The following MRPS6 variants were observed in gnomAD, a reference collection of about 807,000 sequenced individuals.
MRPS6 encodes mitochondrial ribosomal protein S6.
MRPS6 carries 6 observed loss-of-function variants against 13.1 expected under a neutral mutation model. The ratio of observed to expected loss-of-function variants is 0.46; its 90% CI spans 0.25 to 0.91. The LOEUF is 0.91. MRPS6 is among the 40% of genes least tolerant of loss of function. The pLI is 0.18. For missense variants in MRPS6, 164 were observed against 155.6 expected, an observed-to-expected ratio of 1.05 and a Z score of -0.29; for synonymous variants, 61 against 56.5, an observed-to-expected ratio of 1.08 and a Z score of -0.36.
intron 1 of MRPS6, chr21:34,103,724 T>G (rs1383331642): frequency 2.4e-5 from 24 of 999,950 alleles, no homozygotes; most frequent in Non-Finnish European, 2.8e-5. Flanking sequence ...CCCAAGACAA[T>G]GCGGTATCTA....
At chr21:34,113,676 G>T (rs566135865) in intron 1 of MRPS6, among the ~76,000 whole-genome samples, 1 of 152,140 alleles carries the variant, frequency 6.6e-6, no homozygotes, top group South Asian at 2.1e-4. Context: ...TTTGTCTGTT[G>T]TTGAGCAAAT....
At chr21:34,087,249 G>C (rs2148655934) in intron 1 of MRPS6, among the ~76,000 whole-genome samples, 1 of 87,564 alleles carries the variant, frequency 1.1e-5, no homozygotes, top group Non-Finnish European at 2.2e-5. Flanking sequence ...TGGTGGAGGA[G>C]GGAGGAGGCT....
rs559931070 is a variant in MRPS6 at position 34,103,344 on chromosome 21, T to A, written c.46-21997T>A. The stretch of plus-strand genomic sequence containing the variant: ...AAAAAAAAAAAAACATGCATTACAT[T>A]GACATACTTTATGTGCAGCCTTTAT... On this transcript the variant is annotated intron_variant, in intron 1 of 2. Transcript: ENST00000399312. The A allele has an allele frequency of 6.0e-6, 6 of 994,164 alleles. No individual in the cohort carries two copies. In the South Asian group the frequency reaches 2.9e-4, roughly 48 times the overall value. The allele number at this position is 994,164 out of a possible 1,614,324, so 61.6% of individuals were successfully genotyped here. A position where few individuals can be genotyped will look rare whatever the true frequency, so the allele number is the denominator to read the frequency against.
intron 1 of MRPS6, among the ~76,000 whole-genome samples, chr21:34,091,271 T>G (rs1469753815): frequency 6.6e-6 from 1 of 152,032 alleles, no homozygotes; most frequent in Non-Finnish European, 1.5e-5. Context: ...GGCCCCGCCC[T>G]GTGTCATTGA....
intron 1 of MRPS6, among the ~76,000 whole-genome samples, chr21:34,093,163 G>C (rs938217850): frequency 6.6e-5 from 10 of 151,946 alleles, no homozygotes; most frequent in African/African-American, 2.4e-4. Context: ...TTTGGGGGTG[G>C]GGAAGGTGGT....
chr21:34,135,947 G>A lies in MRPS6; in HGVS notation c.186-6461G>A, dbSNP rs181206036. ...TCCTTCACTGCAATGGAATCCTGCAGGGAAATGTCACTGATCTGCATATCA... is the reference window on the plus strand; with the variant it reads ...TCCTTCACTGCAATGGAATCCTGCAAGGAAATGTCACTGATCTGCATATCA... On this transcript the variant is annotated intron_variant, in intron 2 of 2. Coordinates refer to ENST00000399312, the MANE Select transcript of MRPS6 (RefSeq NM_032476.4). 49 of 414,568 alleles carry A rather than the reference G, an allele frequency of 1.2e-4. No individual in the cohort carries two copies. In the East Asian group the frequency reaches 2.6e-3, roughly 22 times the overall value. The allele number at this position is 414,568 out of a possible 1,614,324, so 25.7% of individuals were successfully genotyped here.
intron 1 of MRPS6, among the ~76,000 whole-genome samples, chr21:34,089,721 G>C (rs1978584044): frequency 6.6e-6 from 1 of 152,148 alleles, no homozygotes; most frequent in Admixed American, 6.5e-5. Context: ...AGGGTTGGGA[G>C]GAGGGCCGCA....
intron 1 of MRPS6, among the ~76,000 whole-genome samples, chr21:34,086,010 A>G (rs1182020774): frequency 6.6e-6 from 1 of 152,192 alleles, no homozygotes; most frequent in African/African-American, 2.4e-5. Context: ...GTCTGTCTAC[A>G]GTTCTGGTTG....
Position 34,142,428 on chromosome 21 carries a change from A to C in MRPS6, c.206A>C (p.Tyr69Ser). 6.4e-7 allele frequency: 1 copy of C among 1,574,480 alleles called. No homozygotes were observed. Among genetic ancestry groups the C allele is most frequent in the Non-Finnish European group, 8.6e-7 (1 of 1,164,206 alleles). ...NRGGYFLVDF[Y>S]APTAAVESMV... ...TGCAGGTATTTCTTGGTGGATTTTTATGCACCCACCGCAGCTGTTGAAAGC... is the reference window on the plus strand; with the variant it reads ...TGCAGGTATTTCTTGGTGGATTTTTCTGCACCCACCGCAGCTGTTGAAAGC... Residue 69 changes from tyrosine (Y) to serine (S), a missense_variant, in exon 3 of 3, where the codon TAT becomes TCT. Tyr to Ser is a moderately radical substitution (Grantham distance 144, BLOSUM62 -2). Transcript: ENST00000399312.
chr21:34,122,570 C>T (rs552639380), intron 1 of MRPS6: 1 of 152,146 alleles, frequency 6.6e-6, no homozygotes, highest in East Asian at 1.9e-4. Context: ...GCTCTTACTT[C>T]AGAAGAGGGT....
rs183966599 is a variant in MRPS6 at position 34,109,910 on chromosome 21, A to C, written c.46-15431A>C. Among the ~76,000 whole-genome samples the C allele has an allele frequency of 2.6e-4, 40 of 152,272 alleles. No homozygotes were observed. The East Asian group carries it at 3.1e-3, about 12-fold the overall frequency. On this transcript the variant is annotated intron_variant, in intron 1 of 2. Coordinates refer to ENST00000399312, the MANE Select transcript of MRPS6 (RefSeq NM_032476.4). ...AATCATACCTCCATAAAGCTGAAAAAAATCTCTTTACAGTAGTTCTAGTAG... is the reference window on the plus strand; with the variant it reads ...AATCATACCTCCATAAAGCTGAAAACAATCTCTTTACAGTAGTTCTAGTAG...
chr21:34,130,870 A>G (rs1980479094), intron 2 of MRPS6, among the ~76,000 whole-genome samples: 1 of 152,020 alleles, frequency 6.6e-6, no homozygotes, highest in Non-Finnish European at 1.5e-5. Context: ...AGCTGATAGC[A>G]ACTTCATAGA....
At chr21:34,136,779 T>C (rs1243117837) in intron 2 of MRPS6, among the ~76,000 whole-genome samples, 1 of 152,212 alleles carries the variant, frequency 6.6e-6, no homozygotes, top group Non-Finnish European at 1.5e-5. Context: ...ATCTAATTTA[T>C]CAATTTTTTC....
intron 1 of MRPS6, among the ~76,000 whole-genome samples, chr21:34,109,496 C>T (rs1045003660): frequency 1.2e-4 from 18 of 152,196 alleles, no homozygotes; most frequent in Non-Finnish European, 2.1e-4. Context: ...TCACAGCCTG[C>T]ATTTTTTCCT....
In MRPS6 at chr21:34,096,078, C is replaced by T; in HGVS notation, c.45+22333C>T. The T allele has an allele frequency of 6.2e-7, 1 of 1,614,126 alleles. No homozygotes were observed. The highest frequency in any genetic ancestry group is 8.5e-7 in the Non-Finnish European group (1 of 1,180,002). On this transcript the variant is annotated intron_variant, in intron 1 of 2. Transcript: ENST00000399312. The surrounding 1 kb of genome is among the most constrained non-coding windows in gnomAD (Gnocchi z 5.9). ...GGTCCTTGCAGCCAAAAACATTGCT[C>T]ATGCCAAAGGCTCTACTCTTATGGC...
At chr21:34,108,666 C>A (rs1979578645) in intron 1 of MRPS6, among the ~76,000 whole-genome samples, 1 of 152,144 alleles carries the variant, frequency 6.6e-6, no homozygotes, top group Non-Finnish European at 1.5e-5. Context: ...TCCTGTAACA[C>A]CTTAGAATTA....
intron 1 of MRPS6, among the ~76,000 whole-genome samples, chr21:34,110,372 CAA>C (rs1408137063): frequency 6.6e-6 from 1 of 151,968 alleles, no homozygotes; most frequent in African/African-American, 2.4e-5. Context: ...GCCAGCTACT[CAA>C]GAGGCCGAGG....
intron 1 of MRPS6, chr21:34,099,157 C>T: frequency 1.0e-6 from 1 of 998,960 alleles, no homozygotes; most frequent in Non-Finnish European, 1.2e-6. Flanking sequence ...GTATGAATAG[C>T]ATGTATTTCT....
intron 1 of MRPS6, among the ~76,000 whole-genome samples, chr21:34,094,545 C>T (rs955423354): frequency 2.0e-5 from 3 of 152,084 alleles, no homozygotes; most frequent in Non-Finnish European, 4.4e-5. Flanking sequence ...AGTGCCTGTC[C>T]TAATCTGAGC....
Sources: allele counts gnomAD v4.1 joint callset (sites outside exome capture counted in the v4.1 genomes callset), GRCh38; gene constraint gnomAD v4.1.1; non-coding constraint Gnocchi (gnomAD v3.1); transcripts MANE v1.5; gene names NCBI Gene and HGNC (gene_info 2026-07-23, HGNC 2026-07-21).